Variants in PAN3 observed in about 807,000 individuals in gnomAD.
PAN3 encodes the protein PAN2-PAN3 deadenylation complex subunit PAN3.
PAN3 carries 19 observed loss-of-function variants against 96.2 expected under a neutral mutation model. The ratio of observed to expected loss-of-function variants is 0.20; its 90% CI spans 0.14 to 0.29. PAN3 has a LOEUF of 0.29. Ranked by LOEUF, PAN3 falls within the 10% of genes least tolerant of loss-of-function variation. The pLI is 1.00. For missense variants in PAN3, 882 were observed against 1,108.1 expected, an observed-to-expected ratio of 0.80 and a Z score of 2.90; for synonymous variants, 433 against 406.6, an observed-to-expected ratio of 1.06 and a Z score of -0.78.
At chr13:28,180,035 A>G (rs1369970367) in intron 4 of PAN3, among the ~76,000 whole-genome samples, 2 of 152,228 alleles carry the variant, frequency 1.3e-5, no homozygotes, top group East Asian at 3.8e-4. Flanking sequence ...AATATATCCA[A>G]TGGAAGCAGA....
chr13:28,274,239 A>G (rs1164670709), intron 14 of PAN3, among the ~76,000 whole-genome samples: 1 of 152,060 alleles, frequency 6.6e-6, no homozygotes, highest in Non-Finnish European at 1.5e-5. Context: ...TTATCTGGAG[A>G]CATTGTTTCT....
chr13:28,170,020 C>T (rs1874099631), intron 1 of PAN3, among the ~76,000 whole-genome samples: 1 of 152,022 alleles, frequency 6.6e-6, no homozygotes, highest in Non-Finnish European at 1.5e-5. Flanking sequence ...GCACTCTAGC[C>T]TGGGCGACAG....
chr13:28,289,929 A>T (rs1292637771), intron 18 of PAN3, among the ~76,000 whole-genome samples: 1 of 152,172 alleles, frequency 6.6e-6, no homozygotes, highest in Non-Finnish European at 1.5e-5. Flanking sequence ...TTACAGAGAA[A>T]AGAAAGAAGA....
chr13:28,182,359 T>C (rs969767481), intron 4 of PAN3, among the ~76,000 whole-genome samples: 2 of 152,244 alleles, frequency 1.3e-5, no homozygotes, highest in African/African-American at 4.8e-5. Flanking sequence ...TTTATTCACC[T>C]AGTCACATTT....
At chr13:28,209,018 A>C (rs561954907) in intron 5 of PAN3, among the ~76,000 whole-genome samples, 4 of 152,334 alleles carry the variant, frequency 2.6e-5, no homozygotes, top group African/African-American at 9.6e-5. Flanking sequence ...TGGGGTGCTT[A>C]AGGCATAATA....
intron 12 of PAN3, among the ~76,000 whole-genome samples, chr13:28,267,744 A>C (rs1472611526): frequency 6.6e-6 from 1 of 152,172 alleles, no homozygotes; most frequent in Non-Finnish European, 1.5e-5. Context: ...AGATCTCATG[A>C]GACCTATTCA....
At position 28,261,457 on chromosome 13, in the gene PAN3, A is replaced by G. The variant is rs1364193681; in HGVS notation, c.1410A>G (p.Pro470=). Residue 470 remains proline, a splice_region_variant and synonymous_variant, in exon 9 of 19, where the codon CCA becomes CCG. Transcript: ENST00000380958. ...CTCAAATTGATCAAGCAGATATGCC[A>G]GGTAAAAAGCAAGTTGATCCTTCCT... ...TMAQIDQADM[P]AVPTEVDSYH... 2 of 1,609,492 alleles carry G rather than the reference A, an allele frequency of 1.2e-6. No individual in the cohort carries two copies. The highest frequency in any genetic ancestry group is 2.2e-5 in the South Asian group (2 of 90,512).
At chr13:28,192,725 A>G (rs985703105) in intron 4 of PAN3, among the ~76,000 whole-genome samples, 2 of 152,204 alleles carry the variant, frequency 1.3e-5, no homozygotes, top group African/African-American at 4.8e-5. Context: ...TTGTGTTCCA[A>G]ATACTTAGAA....
intron 6 of PAN3, among the ~76,000 whole-genome samples, chr13:28,240,201 G>T (rs1322969062): frequency 6.6e-6 from 1 of 151,884 alleles, no homozygotes; most frequent in Non-Finnish European, 1.5e-5. Flanking sequence ...AAACTTTACA[G>T]GCTTTTAAAA....
intron 14 of PAN3, among the ~76,000 whole-genome samples, chr13:28,273,731 T>C (rs946700744): frequency 5.3e-5 from 8 of 152,240 alleles, no homozygotes; most frequent in South Asian, 2.1e-4. Context: ...TAAGACAATT[T>C]TAGTTCTTTG....
At chr13:28,203,015 T>A (rs1165689342) in intron 5 of PAN3, among the ~76,000 whole-genome samples, 1 of 152,092 alleles carries the variant, frequency 6.6e-6, no homozygotes, top group African/African-American at 2.4e-5. Context: ...CAGGCTGGAG[T>A]GCAGTGGTGC....
intron 9 of PAN3, among the ~76,000 whole-genome samples, chr13:28,262,010 T>C (rs1290827308): frequency 6.6e-6 from 1 of 152,180 alleles, no homozygotes; most frequent in Non-Finnish European, 1.5e-5. Context: ...TAATGAAGTA[T>C]GGGTTCTTAA....
At chr13:28,251,505 C>T (rs1419737364) in intron 6 of PAN3, among the ~76,000 whole-genome samples, 1 of 152,148 alleles carries the variant, frequency 6.6e-6, no homozygotes, top group African/African-American at 2.4e-5. Context: ...CATGGAATCT[C>T]ATGAGGATTT....
intron 12 of PAN3, 98 bp from the exon 13 acceptor site, chr13:28,270,603 G>T: frequency 8.3e-7 from 1 of 1,208,596 alleles, no homozygotes; most frequent in South Asian, 1.5e-5. Flanking sequence ...GTTGTGCCAT[G>T]AGTGTACATG....
intron 5 of PAN3, among the ~76,000 whole-genome samples, chr13:28,201,029 GTC>G (rs976321660): frequency 2.0e-5 from 3 of 150,780 alleles, no homozygotes; most frequent in African/African-American, 7.3e-5. Flanking sequence ...AACTCTCTCT[GTC>G]TCTCTCTCTC....
intron 4 of PAN3, among the ~76,000 whole-genome samples, chr13:28,178,874 C>T (rs1186659286): frequency 6.6e-6 from 1 of 151,776 alleles, no homozygotes; most frequent in Non-Finnish European, 1.5e-5. Context: ...TATAGTTATC[C>T]CCAAACTCGT....
intron 9 of PAN3, among the ~76,000 whole-genome samples, chr13:28,261,832 CAAAA>C (rs10636889): frequency 2.7e-5 from 3 of 112,712 alleles, no homozygotes; most frequent in Admixed American, 9.7e-5. Flanking sequence ...GACCCTGTCT[CAAAA>C]AAAAAAAAAA....
At chr13:28,290,095 G>A (rs183284109) in intron 18 of PAN3, among the ~76,000 whole-genome samples, 273 of 152,280 alleles carry the variant, frequency 1.8e-3, no homozygotes, top group African/African-American at 6.2e-3. Context: ...AAGCGTGAGA[G>A]CCTCGAATAG....
intron 1 of PAN3, among the ~76,000 whole-genome samples, chr13:28,156,274 A>T (rs1407716073): frequency 6.6e-6 from 1 of 152,238 alleles, no homozygotes; most frequent in Admixed American, 6.5e-5. Flanking sequence ...AGAGACTATT[A>T]TGAACACCTC....
Sources: allele counts gnomAD v4.1 joint callset (sites outside exome capture counted in the v4.1 genomes callset), GRCh38; gene constraint gnomAD v4.1.1; transcripts MANE v1.5; gene names NCBI Gene and HGNC (gene_info 2026-07-23, HGNC 2026-07-21).